RNLS: variants seen among roughly 807,000 people sequenced by gnomAD.
The protein encoded by RNLS is renalase, FAD dependent amine oxidase.
RNLS carries 39 observed loss-of-function variants against 39.8 expected under a neutral mutation model. The observed-to-expected ratio is 0.98, with a 90% CI of 0.76 to 1.28. The LOEUF (loss-of-function observed/expected upper bound fraction) is 1.28. RNLS is among the 50% of genes most tolerant of loss of function. The pLI, the probability that RNLS is intolerant of heterozygous loss-of-function variation, is 0.00. For synonymous variants in RNLS, 147 were observed against 150.7 expected (o/e 0.98, Z 0.18); for missense variants, 410 against 413.3 (o/e 0.99, Z 0.07).
the RNLS span, among the ~76,000 whole-genome samples, chr10:88,237,830 A>T: frequency 6.6e-6 from 1 of 152,238 alleles, no homozygotes; most frequent in Non-Finnish European, 1.5e-5. Flanking sequence ...AAGTAATTAA[A>T]TAATAAAACA....
intron 4 of RNLS, among the ~76,000 whole-genome samples, chr10:88,372,306 T>C (rs1321765604): frequency 6.6e-6 from 1 of 152,116 alleles, no homozygotes; most frequent in Non-Finnish European, 1.5e-5. Context: ...TTTTTAATCA[T>C]AAAGAACAAT....
At chr10:88,317,853 T>C (rs1589536584) in intron 5 of RNLS, among the ~76,000 whole-genome samples, 2 of 152,070 alleles carry the variant, frequency 1.3e-5, no homozygotes, top group East Asian at 3.9e-4. Context: ...CTGGCAGAGA[T>C]TGACCCCTGA....
chr10:88,512,743 C>T (rs1216041152), intron 4 of RNLS, among the ~76,000 whole-genome samples: 1 of 152,124 alleles, frequency 6.6e-6, no homozygotes, highest in African/African-American at 2.4e-5. Context: ...CTCACAGGTG[C>T]CCAACGAGCA....
chr10:88,432,446 C>A (rs1855190347), intron 4 of RNLS, among the ~76,000 whole-genome samples: 1 of 151,828 alleles, frequency 6.6e-6, no homozygotes, highest in Non-Finnish European at 1.5e-5. Flanking sequence ...AGCATTTAGA[C>A]CACTTACATT....
chr10:88,512,484 T>C (rs1846184195), intron 4 of RNLS, among the ~76,000 whole-genome samples: 1 of 152,140 alleles, frequency 6.6e-6, no homozygotes, highest in South Asian at 2.1e-4. Flanking sequence ...TAATACAGGC[T>C]CCCCATTAAG....
At chr10:88,276,975 C>T (rs569054776) in intron 6 of RNLS, among the ~76,000 whole-genome samples, 19 of 152,270 alleles carry the variant, frequency 1.2e-4, no homozygotes, top group Non-Finnish European at 2.4e-4. Flanking sequence ...TGGATCCTAA[C>T]GATAGTCCTT....
the RNLS span, among the ~76,000 whole-genome samples, chr10:88,194,998 T>A: frequency 3.9e-5 from 6 of 152,148 alleles, no homozygotes. Flanking sequence ...CACCAGAATA[T>A]GAGGTTGGTC....
chr10:88,363,485 G>T (rs1258637465), intron 4 of RNLS, among the ~76,000 whole-genome samples: 1 of 152,026 alleles, frequency 6.6e-6, no homozygotes, highest in East Asian at 1.9e-4. Context: ...AGAGTGATTT[G>T]TTTGCCTGTC....
At chr10:88,385,312 T>G (rs929885459) in intron 4 of RNLS, among the ~76,000 whole-genome samples, 1 of 152,184 alleles carries the variant, frequency 6.6e-6, no homozygotes, top group Non-Finnish European at 1.5e-5. Context: ...ACTATGAAAT[T>G]ATTTGTAGTA....
chr10:88,266,755 G>C, the RNLS span, among the ~76,000 whole-genome samples: 1 of 143,700 alleles, frequency 7.0e-6, no homozygotes, highest in Non-Finnish European at 1.5e-5. Flanking sequence ...CACCACAAAT[G>C]CCAAACAACT....
chr10:88,560,545 C>T (rs2134383152), intron 4 of RNLS, among the ~76,000 whole-genome samples: 1 of 152,202 alleles, frequency 6.6e-6, no homozygotes, highest in East Asian at 1.9e-4. Flanking sequence ...AGAGCTTTAT[C>T]TTCCAAACCC....
At chr10:88,569,070 G>T (rs1411756272) in intron 4 of RNLS, among the ~76,000 whole-genome samples, 1 of 152,168 alleles carries the variant, frequency 6.6e-6, no homozygotes, top group Non-Finnish European at 1.5e-5. Flanking sequence ...TAGAGACAGG[G>T]TGAACATTCT....
chr10:88,207,093 CAG>C, the RNLS span, among the ~76,000 whole-genome samples: 1 of 152,148 alleles, frequency 6.6e-6, no homozygotes, highest in Admixed American at 6.6e-5. Context: ...AAAAAGAAAA[CAG>C]AAAATCTTTA....
chr10:88,275,491 AT>A (rs1281939335), intron 6 of RNLS, among the ~76,000 whole-genome samples: 6 of 152,332 alleles, frequency 3.9e-5, no homozygotes, highest in South Asian at 2.1e-4. Flanking sequence ...AACAGTAAAA[AT>A]TTAGAGCAAC....
rs191988785 is a variant in RNLS, at chr10:88,349,900, T to C, written c.700+12652A>G. Reference sequence around the variant, plus strand: ...CTGTTAATTAAATTGCTTTAACAGATTTATAGGGAAAACATCAGTTACATA... The same window carrying C: ...CTGTTAATTAAATTGCTTTAACAGACTTATAGGGAAAACATCAGTTACATA... On this transcript the variant is annotated intron_variant, in intron 5 of 6. Coordinates refer to ENST00000331772, the MANE Select transcript of RNLS (RefSeq NM_001031709.3). Among the ~76,000 whole-genome samples the C allele has an allele frequency of 2.7e-3, 415 of 152,134 alleles. 5 individuals carry two copies. Among genetic ancestry groups the C allele is most frequent in the African/African-American group, 8.5e-3 (355 of 41,538 alleles).
the RNLS span, among the ~76,000 whole-genome samples, chr10:88,261,322 C>T: frequency 6.6e-6 from 1 of 152,180 alleles, no homozygotes; most frequent in East Asian, 1.9e-4. Flanking sequence ...CTGCCCCCCA[C>T]CACACTAGTC....
At chr10:88,262,886 A>G in the RNLS span, among the ~76,000 whole-genome samples, 1 of 152,116 alleles carries the variant, frequency 6.6e-6, no homozygotes, top group Non-Finnish European at 1.5e-5. Flanking sequence ...TGATTGTTAT[A>G]CTTCATTCTC....
intron 6 of RNLS, among the ~76,000 whole-genome samples, chr10:88,278,707 A>C (rs1003364198): frequency 1.3e-5 from 2 of 152,178 alleles, no homozygotes; most frequent in African/African-American, 4.8e-5. Flanking sequence ...AACCTCTTCC[A>C]AAATATAATG....
chr10:88,284,894 T>A lies in RNLS; in HGVS notation c.*460A>T, dbSNP rs903056850. 22 of 985,682 alleles carry A rather than the reference T, an allele frequency of 2.2e-5. No homozygotes were observed. The African/African-American group carries it at 3.5e-4, about 16-fold the overall frequency. The allele number at this position is 985,682 out of a possible 1,614,324, so 61.1% of individuals were successfully genotyped here. A position where few individuals can be genotyped will look rare whatever the true frequency, so the allele number is the denominator to read the frequency against. On this transcript the variant is annotated 3_prime_UTR_variant, in exon 7 of 7. Transcript: ENST00000331772. ...AGAATTACACTCTGTTACCTACATT[T>A]TGGAAAAATCTTGTTTTGTATAATT...
Sources: gnomAD v4.1 joint callset for allele counts (sites outside exome capture counted in the v4.1 genomes callset) on GRCh38, gnomAD v4.1.1 for gene constraint, MANE v1.5 for transcripts, NCBI Gene and HGNC (gene_info 2026-07-23, HGNC 2026-07-21) for gene names.